RORA: variants seen among roughly 807,000 people sequenced by gnomAD.
RORA encodes the protein nuclear receptor ROR-alpha.
Under a neutral mutation model 69.5 loss-of-function variants are expected in RORA, and 7 were observed. That is an observed-to-expected ratio of 0.10 (90% confidence interval 0.06 to 0.19). The LOEUF (loss-of-function observed/expected upper bound fraction) is 0.19. Among genes scored for constraint, RORA ranks in the 10% least tolerant of loss-of-function variants. The probability of loss-of-function intolerance (pLI) is 1.00; values close to 1 mark genes in which losing one functional copy is unlikely to be tolerated. For missense variants in RORA, 457 were observed against 663.0 expected (o/e 0.69, Z 3.41); for synonymous variants, 261 against 240.8 (o/e 1.08, Z -0.78).
intron 1 of RORA, among the ~76,000 whole-genome samples, chr15:60,860,040 T>C (rs1172757642): frequency 6.6e-6 from 1 of 152,156 alleles, no homozygotes; most frequent in Non-Finnish European, 1.5e-5. Flanking sequence ...CCAAAATGCC[T>C]GAGGACACTT....
intron 1 of RORA, among the ~76,000 whole-genome samples, chr15:60,741,920 C>A (rs978447025): frequency 1.3e-5 from 2 of 152,166 alleles, no homozygotes; most frequent in African/African-American, 4.8e-5. Flanking sequence ...AAGCAACATG[C>A]CACTCCCTGC....
chr15:60,738,706 C>T (rs941022551), intron 1 of RORA, among the ~76,000 whole-genome samples: 2 of 152,188 alleles, frequency 1.3e-5, no homozygotes, highest in Non-Finnish European at 2.9e-5. Context: ...GGCCTGTGGT[C>T]GTTTCCTACG....
chr15:60,712,356 C>T (rs1260030843), intron 1 of RORA, among the ~76,000 whole-genome samples: 1 of 152,148 alleles, frequency 6.6e-6, no homozygotes, highest in Non-Finnish European at 1.5e-5. Context: ...TTTGTTCCTG[C>T]ATTATACAAC....
intron 4 of RORA, 129 bp downstream of exon 4, chr15:60,514,487 G>A (rs925108854): frequency 4.8e-6 from 4 of 834,992 alleles, no homozygotes; most frequent in East Asian, 5.0e-5. Flanking sequence ...AGGAGCATGG[G>A]GGGCGGGGCG....
intron 1 of RORA, among the ~76,000 whole-genome samples, chr15:60,705,225 T>C (rs2071044856): frequency 1.3e-5 from 2 of 152,156 alleles, no homozygotes; most frequent in South Asian, 2.1e-4. Context: ...CATGCTGAAC[T>C]GGTTTCATTT....
intron 1 of RORA, among the ~76,000 whole-genome samples, chr15:60,952,678 A>G (rs1237514095): frequency 1.3e-5 from 2 of 151,970 alleles, no homozygotes; most frequent in Admixed American, 6.6e-5. Context: ...TCATGAGTGA[A>G]CTCCCATTCA....
intron 1 of RORA, among the ~76,000 whole-genome samples, chr15:61,137,097 AAG>A (rs1267259371): frequency 4.7e-5 from 7 of 149,900 alleles, no homozygotes; most frequent in African/African-American, 1.3e-4. Context: ...GAAAGAAAGA[AAG>A]AAAAAAGCAA....
chr15:60,902,293 T>TAA lies in RORA; in HGVS notation c.167-223609_167-223608dup, dbSNP rs397936827. Among the ~76,000 whole-genome samples the TAA allele has an allele frequency of 1.6e-3, 243 of 151,366 alleles. 2 individuals are homozygous for TAA. The highest frequency in any genetic ancestry group is 4.7e-3 in the Admixed American group (72 of 15,236). The stretch of plus-strand genomic sequence containing the variant: ...TTTCAATTTTATGATTTTTTTTTTT[T>TAA]AAAAAACAGAGAGTAACCCAAAGCT... On this transcript the variant is annotated intron_variant, in intron 1 of 10. Transcript: ENST00000335670.
intron 1 of RORA, among the ~76,000 whole-genome samples, chr15:61,217,281 G>C (rs1427058833): frequency 6.6e-6 from 1 of 152,150 alleles, no homozygotes; most frequent in Non-Finnish European, 1.5e-5. Context: ...CTATCAGACA[G>C]CGTAAAAGAG....
intron 1 of RORA, among the ~76,000 whole-genome samples, chr15:61,219,553 C>A (rs918833470): frequency 6.6e-6 from 1 of 151,312 alleles, no homozygotes; most frequent in Non-Finnish European, 1.5e-5. Flanking sequence ...CCAGCCTGGG[C>A]GACAGAGCAA....
Position 60,865,738 on chromosome 15 carries a change from C to T in RORA, c.167-187052G>A, listed in dbSNP as rs139556254. 3.4e-3 allele frequency among the ~76,000 whole-genome samples: 521 copies of T among 152,228 alleles called. 4 individuals are homozygous for T. The highest frequency in any genetic ancestry group is 0.012 in the African/African-American group (486 of 41,550). ...TTCCTGGAAACAGCCCCTTCCAGTC[C>T]CAGCCTGCATTGAATGGGTTGCTTC... is the stretch of plus-strand genomic sequence containing the variant. On this transcript the variant is annotated intron_variant, in intron 1 of 10. Transcript: ENST00000335670.
intron 1 of RORA, among the ~76,000 whole-genome samples, chr15:60,725,069 G>T (rs545879826): frequency 6.6e-6 from 1 of 152,278 alleles, no homozygotes; most frequent in African/African-American, 2.4e-5. Context: ...ATTTTACAAG[G>T]AAAAAGGTCT....
At chr15:61,171,997 C>A (rs2079589236) in intron 1 of RORA, among the ~76,000 whole-genome samples, 1 of 152,160 alleles carries the variant, frequency 6.6e-6, no homozygotes, top group African/African-American at 2.4e-5. Context: ...GAAGGGCATG[C>A]ACATTAGCAT....
intron 1 of RORA, among the ~76,000 whole-genome samples, chr15:60,948,289 G>C (rs1438913948): frequency 6.6e-6 from 1 of 151,444 alleles, no homozygotes; most frequent in Non-Finnish European, 1.5e-5. Context: ...AATAAAATTG[G>C]ATGAAAAAAT....
At chr15:61,199,933 G>A (rs374429593) in intron 1 of RORA, among the ~76,000 whole-genome samples, 1 of 152,210 alleles carries the variant, frequency 6.6e-6, no homozygotes, top group Non-Finnish European at 1.5e-5. Flanking sequence ...GGTGGAGGGT[G>A]AGAAAGGCCT....
chr15:60,827,827 T>G (rs1022191770), intron 1 of RORA, among the ~76,000 whole-genome samples: 3 of 152,234 alleles, frequency 2.0e-5, no homozygotes, highest in Admixed American at 6.5e-5. Flanking sequence ...TCTTGAAGAC[T>G]CCTTTATAGC....
chr15:60,627,589 T>TGGGAG, intron 2 of RORA: 2 of 1,197,592 alleles, frequency 1.7e-6, no homozygotes, highest in Non-Finnish European at 2.1e-6. Context: ...AATTCTCCCA[T>TGGGAG]AATTGTTGAC....
At chr15:60,682,827 C>CAGGG (rs935469254) in intron 1 of RORA, among the ~76,000 whole-genome samples, 2 of 152,162 alleles carry the variant, frequency 1.3e-5, no homozygotes, top group African/African-American at 4.8e-5. Context: ...AGACCACGAG[C>CAGGG]AGGGTAATGC....
At chr15:60,861,896 C>T (rs371861189) in intron 1 of RORA, among the ~76,000 whole-genome samples, 1 of 152,198 alleles carries the variant, frequency 6.6e-6, no homozygotes, top group Non-Finnish European at 1.5e-5. Flanking sequence ...CCAGCTATTA[C>T]ACTCCTAAGG....
Sources: gnomAD v4.1 joint callset for allele counts (sites outside exome capture counted in the v4.1 genomes callset) on GRCh38, gnomAD v4.1.1 for gene constraint, MANE v1.5 for transcripts, NCBI Gene and HGNC (gene_info 2026-07-23, HGNC 2026-07-21) for gene names.